The following MICOS10 variants were observed in gnomAD, a reference collection of about 807,000 sequenced individuals.
The protein encoded by MICOS10 is mitochondrial contact site and cristae organizing system subunit 10.
MICOS10 carries 5 observed loss-of-function variants against 13.4 expected under a neutral mutation model. The observed-to-expected ratio is 0.37, with a 90% CI of 0.20 to 0.78. The LOEUF (loss-of-function observed/expected upper bound fraction) is 0.78. MICOS10 is among the 30% of genes least tolerant of loss of function. The pLI is 0.47. For synonymous variants in MICOS10, 35 were observed against 33.6 expected (o/e 1.04, Z -0.15); for missense variants, 101 against 94.6 (o/e 1.07, Z -0.28).
chr1:19,614,865 G>A (rs962507059), intron 1 of MICOS10, among the ~76,000 whole-genome samples: 1 of 152,150 alleles, frequency 6.6e-6, no homozygotes, highest in Non-Finnish European at 1.5e-5. Flanking sequence ...CTGTCCTCCT[G>A]GATGTGCCTT....
At position 19,628,756 on chromosome 1, in the gene MICOS10, G is replaced by A. The variant is rs1323150101; in HGVS notation, c.*2355G>A. 6.7e-6 allele frequency: 1 copy of A among 150,256 alleles called. No homozygotes were observed. Among genetic ancestry groups the A allele is most frequent in the Non-Finnish European group, 1.5e-5 (1 of 67,802 alleles). 9.3% of individuals were successfully genotyped at this position (150,256 alleles called of 1,614,324 possible). Reference sequence around the variant, plus strand: ...TTTCCCATCCTCATTCAGGCAGAGAGAAGAATAACATGCCCCCTTCCAAAA... The same window carrying A: ...TTTCCCATCCTCATTCAGGCAGAGAAAAGAATAACATGCCCCCTTCCAAAA... On this transcript the variant is annotated 3_prime_UTR_variant, in exon 4 of 4. Coordinates refer to ENST00000322753, the MANE Select transcript of MICOS10 (RefSeq NM_001032363.4).
chr1:19,623,388 C>T, intron 2 of MICOS10, 86 bp from the exon 3 acceptor site: 2 of 779,366 alleles, frequency 2.6e-6, no homozygotes, highest in South Asian at 3.2e-5. Flanking sequence ...ATTTATTGAA[C>T]CCTAAGTAAA....
chr1:19,616,023 A>T (rs1408767721), intron 1 of MICOS10, among the ~76,000 whole-genome samples: 2 of 151,664 alleles, frequency 1.3e-5, no homozygotes, highest in African/African-American at 4.9e-5. Context: ...GGTTCAAGTG[A>T]TTCTCCTGCC....
intron 3 of MICOS10, among the ~76,000 whole-genome samples, chr1:19,625,811 G>A (rs2094919995): frequency 6.6e-6 from 1 of 152,128 alleles, no homozygotes; most frequent in Admixed American, 6.6e-5. Context: ...CTGGACTTGA[G>A]TCTGTGCCTC....
chr1:19,597,264 G>A (rs1002290914), intron 1 of MICOS10, among the ~76,000 whole-genome samples, 155 bp downstream of exon 1: 14 of 152,224 alleles, frequency 9.2e-5, no homozygotes, highest in Non-Finnish European at 1.9e-4. Flanking sequence ...GGGCCCCGGC[G>A]GGAGGTCACT....
intron 3 of MICOS10, among the ~76,000 whole-genome samples, chr1:19,624,451 C>T (rs1328892894): frequency 2.0e-5 from 3 of 151,944 alleles, no homozygotes; most frequent in African/African-American, 7.3e-5. Context: ...TCACGCCCGG[C>T]TAATTTTCGT....
intron 1 of MICOS10, among the ~76,000 whole-genome samples, chr1:19,602,630 C>T (rs552693036): frequency 1.3e-5 from 2 of 152,240 alleles, no homozygotes; most frequent in East Asian, 3.9e-4. Context: ...TATGTGAATG[C>T]GTCATTAATG....
Position 19,597,120 on chromosome 1 carries a change from T to A in MICOS10, c.64+11T>A. On this transcript the variant is annotated intron_variant, in intron 1 of 3. Transcript: ENST00000322753. The stretch of plus-strand genomic sequence containing the variant: ...CGGTCGTGAAGATAGGTAAGGGGCT[T>A]TTCGCCCCAGCAGGCCCGGCCGGTG... 1 of 1,598,862 alleles carries A rather than the reference T, an allele frequency of 6.3e-7. No homozygotes were observed. Among genetic ancestry groups the A allele is most frequent in the South Asian group, 1.1e-5 (1 of 89,556 alleles).
At chr1:19,597,141 C>T (rs1177787201) in intron 1 of MICOS10, 32 bp downstream of exon 1, 2 of 1,587,500 alleles carry the variant, frequency 1.3e-6, no homozygotes, top group African/African-American at 1.4e-5. Context: ...CAGGCCCGGC[C>T]GGTGCAGAGC....
intron 3 of MICOS10, 127 bp from the exon 4 acceptor site, chr1:19,626,260 G>A: frequency 9.1e-7 from 1 of 1,094,730 alleles, no homozygotes; most frequent in Non-Finnish European, 1.4e-6. Context: ...TTGTGAGACA[G>A]TTTTAACGTA....
intron 1 of MICOS10, chr1:19,597,803 G>A (rs2094798717): frequency 6.6e-6 from 1 of 152,236 alleles, no homozygotes; most frequent in Admixed American, 6.5e-5. Flanking sequence ...AGCGTATATT[G>A]TCTTCATTGT....
chr1:19,610,301 C>G (rs1488868363), intron 1 of MICOS10, among the ~76,000 whole-genome samples: 3 of 144,658 alleles, frequency 2.1e-5, no homozygotes, highest in African/African-American at 5.0e-5. Context: ...GTTGGAGGCT[C>G]TAGATAAATG....
At chr1:19,623,799 A>G (rs764769287) in intron 3 of MICOS10, 7 of 447,024 alleles carry the variant, frequency 1.6e-5, no homozygotes, top group Non-Finnish European at 2.4e-5. Flanking sequence ...GTTCAGATAT[A>G]TACTCATGTG....
chr1:19,605,944 A>G (rs76467434), intron 1 of MICOS10, among the ~76,000 whole-genome samples: 2,481 of 152,302 alleles, frequency 0.016, 66 homozygotes, highest in African/African-American at 0.057. Context: ...TATGTTTAGC[A>G]TTCGAAGAAA....
At chr1:19,601,366 C>G (rs1225577438) in intron 1 of MICOS10, 2 of 203,062 alleles carry the variant, frequency 9.8e-6, no homozygotes, top group Non-Finnish European at 2.1e-5. Context: ...ATCACTTGAG[C>G]CCAAGAGGTC....
intron 1 of MICOS10, among the ~76,000 whole-genome samples, chr1:19,601,520 T>G (rs1287202019): frequency 6.7e-6 from 1 of 149,086 alleles, no homozygotes; most frequent in African/African-American, 2.5e-5. Flanking sequence ...GAGGCTGCAG[T>G]GTGCTGTGAT....
At chr1:19,597,275 C>T (rs1015919059) in intron 1 of MICOS10, among the ~76,000 whole-genome samples, 166 bp downstream of exon 1, 1 of 152,198 alleles carries the variant, frequency 6.6e-6, no homozygotes, top group Non-Finnish European at 1.5e-5. Context: ...GGAGGTCACT[C>T]GGGCGGCGGG....
intron 1 of MICOS10, among the ~76,000 whole-genome samples, chr1:19,617,699 A>G (rs773776586): frequency 6.6e-6 from 1 of 152,156 alleles, no homozygotes; most frequent in African/African-American, 2.4e-5. Flanking sequence ...GTCATAACAC[A>G]TGCATTTGAT....
intron 1 of MICOS10, chr1:19,601,045 AC>A (rs1228913933): frequency 7.8e-7 from 1 of 1,275,364 alleles, no homozygotes; most frequent in African/African-American, 1.5e-5. Flanking sequence ...TTATTTTCCC[AC>A]CTGTTTGCTG....
Sources: allele counts gnomAD v4.1 joint callset (sites outside exome capture counted in the v4.1 genomes callset), GRCh38; gene constraint gnomAD v4.1.1; transcripts MANE v1.5; gene names NCBI Gene and HGNC (gene_info 2026-07-23, HGNC 2026-07-21).